The following CNTN5 variants were observed in gnomAD, a reference collection of about 807,000 sequenced individuals.
CNTN5 encodes the protein contactin-5.
A neutral mutation model predicts 129.1 loss-of-function variants in CNTN5; 77 were observed. The observed-to-expected ratio is 0.60, with a 90% CI of 0.50 to 0.72. The LOEUF is 0.72. Among genes scored for constraint, CNTN5 ranks in the 30% least tolerant of loss-of-function variants. The pLI, the probability that CNTN5 is intolerant of heterozygous loss-of-function variation, is 0.00. For missense variants in CNTN5, 1,478 were observed against 1,328.8 expected (o/e 1.11, Z -1.75); for synonymous variants, 509 against 465.6 (o/e 1.09, Z -1.20).
chr11:99,294,367 G>A (rs1305919924), intron 1 of CNTN5, among the ~76,000 whole-genome samples: 2 of 152,042 alleles, frequency 1.3e-5, no homozygotes, highest in African/African-American at 4.8e-5. Flanking sequence ...ATTTCTATGT[G>A]CCAGCAGCAA....
chr11:99,523,374 C>A (rs1375783892), intron 2 of CNTN5, among the ~76,000 whole-genome samples: 1 of 152,018 alleles, frequency 6.6e-6, no homozygotes, highest in African/African-American at 2.4e-5. Flanking sequence ...AGGGGCGGAT[C>A]CCTTGAGTTT....
chr11:100,157,558 T>TA (rs985717860), intron 13 of CNTN5, among the ~76,000 whole-genome samples: 27 of 151,842 alleles, frequency 1.8e-4, no homozygotes, highest in Admixed American at 1.4e-3. Context: ...ATTGGTCATG[T>TA]ATATTTGCTT....
chr11:99,570,429 T>C (rs1949140421), intron 3 of CNTN5, among the ~76,000 whole-genome samples: 1 of 152,206 alleles, frequency 6.6e-6, no homozygotes, highest in South Asian at 2.1e-4. Flanking sequence ...TAGCTATAGA[T>C]AGAAAGTTTC....
chr11:99,081,128 T>C (rs1173712316), intron 1 of CNTN5, among the ~76,000 whole-genome samples: 1 of 152,212 alleles, frequency 6.6e-6, no homozygotes, highest in Admixed American at 6.5e-5. Context: ...TTTAAATATT[T>C]GTAAACAAAA....
chr11:99,190,832 T>C (rs1858601993), intron 1 of CNTN5, among the ~76,000 whole-genome samples: 1 of 151,284 alleles, frequency 6.6e-6, no homozygotes, highest in African/African-American at 2.4e-5. Flanking sequence ...GTAATCTGTA[T>C]TTTTTTTCTC....
intron 2 of CNTN5, among the ~76,000 whole-genome samples, chr11:99,348,335 TC>T (rs1193919411): frequency 6.6e-6 from 1 of 151,948 alleles, no homozygotes; most frequent in African/African-American, 2.4e-5. Flanking sequence ...CGAGACTCCG[TC>T]CCCCCCAAAA....
chr11:100,098,606 A>G (rs1279202814), intron 13 of CNTN5, among the ~76,000 whole-genome samples: 1 of 152,042 alleles, frequency 6.6e-6, no homozygotes, highest in Non-Finnish European at 1.5e-5. Context: ...TTTACCTTGA[A>G]TGTATAAATT....
chr11:99,519,571 C>T (rs1209407786), intron 2 of CNTN5, among the ~76,000 whole-genome samples: 2 of 151,960 alleles, frequency 1.3e-5, no homozygotes, highest in East Asian at 1.9e-4. Flanking sequence ...TGTCAATTTT[C>T]TTCCTTCTAA....
chr11:100,173,736 A>G (rs1947886797), intron 13 of CNTN5, among the ~76,000 whole-genome samples: 1 of 152,152 alleles, frequency 6.6e-6, no homozygotes, highest in African/African-American at 2.4e-5. Flanking sequence ...TACAAGAGCG[A>G]GCCTTTGGAG....
intron 15 of CNTN5, among the ~76,000 whole-genome samples, chr11:100,221,799 A>G (rs1478139954): frequency 6.6e-6 from 1 of 151,856 alleles, no homozygotes; most frequent in African/African-American, 2.4e-5. Context: ...AGGTCAACGA[A>G]AGCAGAAAAA....
At chr11:100,038,404 G>A (rs1942160645) in intron 9 of CNTN5, among the ~76,000 whole-genome samples, 1 of 152,108 alleles carries the variant, frequency 6.6e-6, no homozygotes, top group Admixed American at 6.5e-5. Flanking sequence ...GGTCAATTTT[G>A]GAATAGGTGT....
chr11:99,492,024 C>T (rs1946055657), intron 2 of CNTN5, among the ~76,000 whole-genome samples: 2 of 152,062 alleles, frequency 1.3e-5, no homozygotes, highest in South Asian at 2.1e-4. Context: ...GTTGAAGGCT[C>T]ATTTTTAGTA....
At chr11:99,412,243 A>AG (rs1467973927) in intron 2 of CNTN5, among the ~76,000 whole-genome samples, 4 of 152,172 alleles carry the variant, frequency 2.6e-5, no homozygotes, top group Non-Finnish European at 5.9e-5. Flanking sequence ...ACTGTACTGT[A>AG]CATTGGTGAG....
chr11:100,172,464 C>T (rs969531456), intron 13 of CNTN5, among the ~76,000 whole-genome samples: 1 of 151,848 alleles, frequency 6.6e-6, no homozygotes, highest in Non-Finnish European at 1.5e-5. Flanking sequence ...TGCTGGGATA[C>T]TGAGGAGTAG....
chr11:99,987,112 T>A (rs760177579), intron 8 of CNTN5, among the ~76,000 whole-genome samples: 1 of 151,924 alleles, frequency 6.6e-6, no homozygotes, highest in Non-Finnish European at 1.5e-5. Context: ...ATACAAAAAA[T>A]GAAATATTCC....
chr11:99,741,374 T>C (rs1170591707), intron 3 of CNTN5, among the ~76,000 whole-genome samples: 2 of 152,176 alleles, frequency 1.3e-5, no homozygotes, highest in Middle Eastern at 3.2e-3. Flanking sequence ...AGATTCAGTA[T>C]GTTACTAACA....
intron 4 of CNTN5, among the ~76,000 whole-genome samples, chr11:99,826,316 C>G (rs563767435): frequency 1.1e-4 from 16 of 152,258 alleles, no homozygotes; most frequent in Middle Eastern, 3.4e-3. Flanking sequence ...GAGATTCAGT[C>G]ACTTTCCCTG....
intron 1 of CNTN5, among the ~76,000 whole-genome samples, chr11:99,172,652 T>A (rs189025161): frequency 4.6e-5 from 7 of 152,324 alleles, no homozygotes; most frequent in Admixed American, 3.9e-4. Flanking sequence ...GAATAAAATA[T>A]TAATTAAATA....
At chr11:100,291,586 T>G (rs1950972976) in intron 18 of CNTN5, among the ~76,000 whole-genome samples, 1 of 151,444 alleles carries the variant, frequency 6.6e-6, no homozygotes. Context: ...GGAAGGGGAA[T>G]ATCACACTCT....
Sources: gnomAD v4.1 joint callset for allele counts (sites outside exome capture counted in the v4.1 genomes callset) on GRCh38, gnomAD v4.1.1 for gene constraint, MANE v1.5 for transcripts, NCBI Gene and HGNC (gene_info 2026-07-23, HGNC 2026-07-21) for gene names.